The following SLC44A3 variants were observed in gnomAD, a reference collection of about 807,000 sequenced individuals.
SLC44A3 encodes the protein solute carrier family 44 member 3.
Under a neutral mutation model 75.4 loss-of-function variants are expected in SLC44A3, and 74 were observed. The ratio of observed to expected loss-of-function variants is 0.98; its 90% CI spans 0.81 to 1.19. SLC44A3 has a LOEUF of 1.19. Ranked by LOEUF, SLC44A3 falls within the 50% of genes most tolerant of loss-of-function variation. The pLI is 0.00. For missense variants in SLC44A3, 700 were observed against 778.6 expected (o/e 0.90, Z 1.20); for synonymous variants, 310 against 296.9 (o/e 1.04, Z -0.45).
chr1:94,888,599 A>G (rs1042732032), intron 12 of SLC44A3: 2 of 917,808 alleles, frequency 2.2e-6, no homozygotes, highest in African/African-American at 1.8e-5. Flanking sequence ...TTTCACGCAC[A>G]TTCTATGTAA....
At chr1:94,887,076 T>C (rs1378125557) in intron 12 of SLC44A3, among the ~76,000 whole-genome samples, 1 of 151,940 alleles carries the variant, frequency 6.6e-6, no homozygotes, top group Non-Finnish European at 1.5e-5. Flanking sequence ...CAATAAAACG[T>C]GTTTCCTAGT....
rs1462050314 is a variant in SLC44A3 at position 94,827,516 on chromosome 1, C to T, written c.288C>T (p.Phe96=). The T allele has an allele frequency of 3.7e-6, 6 of 1,614,084 alleles. No homozygotes were observed. The highest frequency in any genetic ancestry group is 2.7e-5 in the African/African-American group (2 of 74,932). ...TTCATCTATTTCCTAGACACGTGTT[C>T]TTTATGAATTCCTGCAACCTGGAAG... The part of the protein sequence containing the change: ...GQDMTLKKHV[F]FMNSCNLEVK... The change falls in exon 4 of 15, where the codon TTC becomes TTT. Residue 96 remains phenylalanine, a synonymous_variant. Coordinates refer to ENST00000271227, the MANE Select transcript of SLC44A3 (RefSeq NM_001114106.3).
rs1248615014 is a variant in SLC44A3 at position 94,824,432 on chromosome 1, G to T, written c.136-61G>T. 15 of 1,517,984 alleles carry T rather than the reference G, an allele frequency of 9.9e-6. No individual in the cohort carries two copies. In the Admixed American group the frequency reaches 2.3e-4, roughly 24 times the overall value. The allele number at this position is 1,517,984 out of a possible 1,614,324, so 94.0% of individuals were successfully genotyped here. ...CCGTTTTATATCAGCATCTGCAGGG[G>T]TGTGGGGCACTGTGCGCTCAGCCCT... On this transcript the variant is annotated intron_variant, in intron 2 of 14. Transcript: ENST00000271227.
rs145740708 is a variant in SLC44A3, at chr1:94,828,326, G to C, written c.416-167G>C. On this transcript the variant is annotated intron_variant, in intron 4 of 14. Coordinates refer to ENST00000271227, the MANE Select transcript of SLC44A3 (RefSeq NM_001114106.3). ...GGGGTTTTGAAGAGAAAGTAAGGAA[G>C]AGAGGCCCTCACTAGACCTCAGATT... Among the ~76,000 whole-genome samples the C allele has an allele frequency of 1.5e-4, 23 of 152,312 alleles. No homozygotes were observed. In the East Asian group the frequency reaches 4.4e-3, roughly 29 times the overall value.
chr1:94,847,259 A>G (rs1035203881), intron 9 of SLC44A3, among the ~76,000 whole-genome samples: 4 of 152,224 alleles, frequency 2.6e-5, no homozygotes, highest in Non-Finnish European at 2.9e-5. Flanking sequence ...TCAAGGACTC[A>G]GGCACCCGCT....
At chr1:94,858,458 C>A (rs1666172825) in intron 10 of SLC44A3, among the ~76,000 whole-genome samples, 1 of 152,058 alleles carries the variant, frequency 6.6e-6, no homozygotes, top group South Asian at 2.1e-4. Context: ...TGTGACTCAC[C>A]CCAGGGCAGT....
chr1:94,882,806 T>G (rs1356314589), intron 12 of SLC44A3, among the ~76,000 whole-genome samples: 1 of 151,284 alleles, frequency 6.6e-6, no homozygotes, highest in African/African-American at 2.4e-5. Flanking sequence ...AGCACCTGAT[T>G]CCTGTTCCAT....
At chr1:94,865,421 T>G (rs1284653576) in intron 11 of SLC44A3, among the ~76,000 whole-genome samples, 1 of 151,806 alleles carries the variant, frequency 6.6e-6, no homozygotes, top group Non-Finnish European at 1.5e-5. Context: ...TGAATGAGAG[T>G]GTGTATGTGT....
intron 10 of SLC44A3, among the ~76,000 whole-genome samples, chr1:94,857,957 G>A (rs1250663212): frequency 1.3e-5 from 2 of 151,976 alleles, no homozygotes; most frequent in Non-Finnish European, 1.5e-5. Flanking sequence ...GGGACTAAAG[G>A]CATGCGCCAT....
chr1:94,827,136 G>T (rs529033682), intron 3 of SLC44A3, among the ~76,000 whole-genome samples: 1 of 152,294 alleles, frequency 6.6e-6, no homozygotes, highest in African/African-American at 2.4e-5. Context: ...ACACTCTTGG[G>T]TACAAATGTG....
At chr1:94,879,539 GAAAA>G (rs34622297) in intron 12 of SLC44A3, among the ~76,000 whole-genome samples, 10 of 119,934 alleles carry the variant, frequency 8.3e-5, no homozygotes, top group Admixed American at 9.0e-5. Flanking sequence ...CTCAAAAAAA[GAAAA>G]AAAAAAAAAA....
At chr1:94,884,180 C>T (rs985671446) in intron 12 of SLC44A3, among the ~76,000 whole-genome samples, 1 of 152,234 alleles carries the variant, frequency 6.6e-6, no homozygotes, top group African/African-American at 2.4e-5. Context: ...TTCCACCCCA[C>T]CTCCCACCTG....
At chr1:94,863,707 C>T (rs1341525412) in intron 10 of SLC44A3, among the ~76,000 whole-genome samples, 3 of 152,122 alleles carry the variant, frequency 2.0e-5, no homozygotes, top group African/African-American at 4.8e-5. Flanking sequence ...TTTTGTGGGA[C>T]AACTGGGTTG....
intron 9 of SLC44A3, among the ~76,000 whole-genome samples, chr1:94,848,672 C>T (rs905334787): frequency 9.9e-5 from 15 of 152,074 alleles, no homozygotes; most frequent in Admixed American, 6.5e-4. Flanking sequence ...GCGCTGAGCA[C>T]GGCACTAGGG....
intron 8 of SLC44A3, among the ~76,000 whole-genome samples, chr1:94,844,217 A>G (rs576876972): frequency 6.6e-6 from 1 of 152,358 alleles, no homozygotes; most frequent in East Asian, 1.9e-4. Flanking sequence ...TGGAAAGTCT[A>G]GAAAAATTAG....
chr1:94,824,751 T>A, intron 3 of SLC44A3, 116 bp downstream of exon 3: 1 of 1,277,856 alleles, frequency 7.8e-7, no homozygotes, highest in East Asian at 2.5e-5. Context: ...GCCTATTTTA[T>A]AAAAAGGAAG....
chr1:94,842,477 T>C (rs1264986604), intron 8 of SLC44A3, among the ~76,000 whole-genome samples: 1 of 152,220 alleles, frequency 6.6e-6, no homozygotes, highest in African/African-American at 2.4e-5. Flanking sequence ...CCTTTGCCAG[T>C]GTATGCTCAG....
intron 4 of SLC44A3, among the ~76,000 whole-genome samples, chr1:94,828,270 G>A (rs533521382): frequency 6.6e-6 from 1 of 152,166 alleles, no homozygotes; most frequent in African/African-American, 2.4e-5. Context: ...ATTATTTTAG[G>A]ACCAATCATA....
chr1:94,892,546 A>G (rs1670332938), intron 14 of SLC44A3, 29 bp downstream of exon 14: 1 of 1,592,536 alleles, frequency 6.3e-7, no homozygotes, highest in African/African-American at 1.3e-5. Context: ...TCCAATTGCA[A>G]TCTCCATGCT....
Sources: gnomAD v4.1 joint callset for allele counts (sites outside exome capture counted in the v4.1 genomes callset) on GRCh38, gnomAD v4.1.1 for gene constraint, MANE v1.5 for transcripts, NCBI Gene and HGNC (gene_info 2026-07-23, HGNC 2026-07-21) for gene names.